YEATS2: variants seen among roughly 807,000 people sequenced by gnomAD.
YEATS2 encodes YEATS domain-containing protein 2.
A neutral mutation model predicts 163.2 loss-of-function variants in YEATS2; 77 were observed. The ratio of observed to expected loss-of-function variants is 0.47; its 90% CI spans 0.39 to 0.57. The LOEUF is 0.57. Ranked by LOEUF, YEATS2 falls within the 20% of genes least tolerant of loss-of-function variation. The pLI is 0.00. For synonymous variants in YEATS2, 631 were observed against 645.1 expected (o/e 0.98, Z 0.33); for missense variants, 1,549 against 1,729.8 (o/e 0.90, Z 1.85).
At chr3:183,805,289 C>T (rs893492508) in intron 27 of YEATS2, among the ~76,000 whole-genome samples, 1 of 151,304 alleles carries the variant, frequency 6.6e-6, no homozygotes, top group African/African-American at 2.4e-5. Flanking sequence ...GTCCCAGCTA[C>T]TTGGGTGACT....
chr3:183,719,831 C>T (rs1176943411), intron 4 of YEATS2, among the ~76,000 whole-genome samples: 1 of 152,132 alleles, frequency 6.6e-6, no homozygotes, highest in African/African-American at 2.4e-5. Context: ...CCTGCCTCAG[C>T]CTCCTGAGTA....
rs779314132 is a variant in YEATS2 at position 183,717,709 on chromosome 3, A to G, written c.159A>G (p.Glu53=). The G allele has an allele frequency of 1.3e-6, 2 of 1,568,962 alleles. No individual in the cohort carries two copies. Among genetic ancestry groups the G allele is most frequent in the East Asian group, 2.4e-5 (1 of 41,584 alleles). The change falls in exon 3 of 31, where the codon GAA becomes GAG. Residue 53 remains glutamate, a synonymous_variant. Coordinates refer to ENST00000305135, the MANE Select transcript of YEATS2 (RefSeq NM_018023.5). ...TTATCAAAGAACAGTTTGCTCTTGA[A>G]ATGAAGAATAAGGAACATGAAATTG... The part of the protein sequence containing the change: ...ETIIKEQFAL[E]MKNKEHEIEV...
Position 183,756,557 on chromosome 3 carries a change from C to G in YEATS2, c.1420C>G (p.Pro474Ala), listed in dbSNP as rs759268483. 6.3e-7 allele frequency: 1 copy of G among 1,599,444 alleles called. No homozygotes were observed. Among genetic ancestry groups the G allele is most frequent in the South Asian group, 1.1e-5 (1 of 87,282 alleles). ...GSPISTPSPSPLPRTPTSTPV... is the reference protein window; with the variant it reads ...GSPISTPSPSALPRTPTSTPV... ...CCCAATATCAACTCCAAGCCCATCA[C>G]CATTGCCTCGAACCCCGACTTCCAC... Residue 474 changes from proline (P) to alanine (A), a missense_variant, in exon 12 of 31, where the codon CCA becomes GCA. Coordinates refer to ENST00000305135, the MANE Select transcript of YEATS2 (RefSeq NM_018023.5).
At chr3:183,793,177 T>TACACAC in intron 21 of YEATS2, 1 of 1,287,836 alleles carries the variant, frequency 7.8e-7, no homozygotes, top group Non-Finnish European at 1.0e-6. Flanking sequence ...ATCACCGAGA[T>TACACAC]ACACACACAC....
At chr3:183,804,770 G>A (rs1417097376) in intron 27 of YEATS2, among the ~76,000 whole-genome samples, 1 of 150,446 alleles carries the variant, frequency 6.6e-6, no homozygotes, top group Non-Finnish European at 1.5e-5. Context: ...GGTGGATCAT[G>A]AGGTCAGGAG....
chr3:183,784,139 G>T (rs1222762710), intron 19 of YEATS2, among the ~76,000 whole-genome samples: 1 of 152,166 alleles, frequency 6.6e-6, no homozygotes, highest in Non-Finnish European at 1.5e-5. Context: ...GGCTGAAGTG[G>T]CCTCCCAAAG....
intron 3 of YEATS2, 112 bp downstream of exon 3, chr3:183,717,860 C>CTTT (rs34867307): frequency 6.8e-4 from 189 of 277,446 alleles, no homozygotes; most frequent in East Asian, 1.3e-3. Flanking sequence ...CTCCTCTTTG[C>CTTT]TTTTTTTTTT....
At chr3:183,801,432 TA>T in intron 24 of YEATS2, 22 bp from the exon 25 acceptor site, 1 of 1,579,520 alleles carries the variant, frequency 6.3e-7, no homozygotes, top group Non-Finnish European at 8.6e-7. Flanking sequence ...TTTATTGCCT[TA>T]ATTTTTTTTT....
intron 2 of YEATS2, among the ~76,000 whole-genome samples, chr3:183,716,114 C>T (rs1715843629): frequency 2.0e-5 from 3 of 152,138 alleles, no homozygotes; most frequent in East Asian, 1.9e-4. Context: ...CACCCGCCAC[C>T]ACGCCTTGCT....
rs768579352 is a variant in YEATS2 at position 183,786,257 on chromosome 3, A to G, written c.2869A>G (p.Thr957Ala). The change falls in exon 20 of 31, where the codon ACT (threonine) becomes GCT (alanine). Residue 957 changes from threonine to alanine, a missense_variant. Coordinates refer to ENST00000305135, the MANE Select transcript of YEATS2 (RefSeq NM_018023.5). ...RVAGGVITTA[T>A]SPAVALSANG... ...AGCAGGAGGGGTTATCACAACTGCC[A>G]CTTCCCCTGCCGTGGCCCTCTCAGC... 6.2e-7 allele frequency: 1 copy of G among 1,614,106 alleles called. No homozygotes were observed. The highest frequency in any genetic ancestry group is 8.5e-7 in the Non-Finnish European group (1 of 1,179,976).
chr3:183,756,347 A>G (rs1720764556), intron 11 of YEATS2, among the ~76,000 whole-genome samples, 181 bp from the exon 12 acceptor site: 1 of 152,138 alleles, frequency 6.6e-6, no homozygotes, highest in South Asian at 2.1e-4. Flanking sequence ...TGAAACATAC[A>G]TCCTCTGCCT....
intron 15 of YEATS2, among the ~76,000 whole-genome samples, chr3:183,762,698 C>CT (rs111469866): frequency 0.024 from 3,465 of 143,626 alleles, 113 homozygotes; most frequent in African/African-American, 0.076. Flanking sequence ...CTGTAGAGTT[C>CT]TTTTTTTTTT....
chr3:183,795,915 T>G (rs1298411494), intron 21 of YEATS2, among the ~76,000 whole-genome samples: 1 of 152,008 alleles, frequency 6.6e-6, no homozygotes, highest in African/African-American at 2.4e-5. Context: ...TTAAGATTAT[T>G]CCTTTCCTTA....
chr3:183,733,601 G>C (rs1209958723), intron 7 of YEATS2, among the ~76,000 whole-genome samples: 2 of 152,170 alleles, frequency 1.3e-5, no homozygotes, highest in African/African-American at 2.4e-5. Context: ...GTTGTGTTAG[G>C]TATCTAAAGT....
intron 15 of YEATS2, among the ~76,000 whole-genome samples, chr3:183,770,523 A>C (rs1722353192): frequency 6.6e-6 from 1 of 152,238 alleles, no homozygotes; most frequent in African/African-American, 2.4e-5. Context: ...TTAAGTAATC[A>C]ATACCCCCAT....
chr3:183,797,799 G>C, intron 21 of YEATS2, 124 bp from the exon 22 acceptor site: 1 of 1,226,442 alleles, frequency 8.2e-7, no homozygotes. Flanking sequence ...CTTGCTCTTT[G>C]TTTACTGGAA....
intron 1 of YEATS2, among the ~76,000 whole-genome samples, chr3:183,707,676 C>CTCT (rs1577029221): frequency 7.1e-6 from 1 of 141,148 alleles, no homozygotes; most frequent in African/African-American, 2.9e-5. Context: ...CCTTCCCCAC[C>CTCT]TATTTTTTTT....
intron 15 of YEATS2, among the ~76,000 whole-genome samples, chr3:183,765,172 A>G (rs1721781149): frequency 6.6e-6 from 1 of 152,290 alleles, no homozygotes; most frequent in East Asian, 1.9e-4. Context: ...TTAGTAAATC[A>G]GTTATTGTCA....
At chr3:183,806,442 A>G (rs1307936766) in intron 27 of YEATS2, 1 of 456,986 alleles carries the variant, frequency 2.2e-6, no homozygotes. Context: ...TGGACCCATA[A>G]TATACATTGA....
Sources: gnomAD v4.1 joint callset for allele counts (sites outside exome capture counted in the v4.1 genomes callset) on GRCh38, gnomAD v4.1.1 for gene constraint, MANE v1.5 for transcripts, NCBI Gene and HGNC (gene_info 2026-07-23, HGNC 2026-07-21) for gene names.